The following TBC1D5 variants were observed in gnomAD, a reference collection of about 807,000 sequenced individuals.
TBC1D5 encodes the protein TBC1 domain family member 5, also known as TBC1 domain family, member 5.
In TBC1D5, 75 loss-of-function variants were observed where a neutral mutation model predicts 100.3. The ratio of observed to expected loss-of-function variants is 0.75; its 90% CI spans 0.62 to 0.91. The LOEUF is 0.91. TBC1D5 is among the 40% of genes least tolerant of loss of function. TBC1D5 has a pLI of 0.00. For synonymous variants in TBC1D5, 323 were observed against 325.6 expected (o/e 0.99, Z 0.09); for missense variants, 910 against 942.4 (o/e 0.97, Z 0.45).
intron 1 of TBC1D5, among the ~76,000 whole-genome samples, chr3:17,724,072 C>A (rs1418683425): frequency 1.3e-5 from 2 of 148,958 alleles, no homozygotes; most frequent in African/African-American, 5.0e-5. Context: ...TCCCGATTGG[C>A]AACTTTTTTT....
At chr3:17,314,984 T>G (rs1309691694) in intron 13 of TBC1D5, among the ~76,000 whole-genome samples, 4 of 152,184 alleles carry the variant, frequency 2.6e-5, no homozygotes, top group African/African-American at 9.7e-5. Context: ...TTTTTTAAGG[T>G]GGGGTCAATA....
At chr3:17,266,190 G>A (rs1180308101) in intron 15 of TBC1D5, among the ~76,000 whole-genome samples, 1 of 152,090 alleles carries the variant, frequency 6.6e-6, no homozygotes, top group African/African-American at 2.4e-5. Flanking sequence ...GTTCACAAAG[G>A]TCTCACCATT....
At chr3:17,693,817 C>T (rs2071559120) in intron 1 of TBC1D5, among the ~76,000 whole-genome samples, 1 of 152,216 alleles carries the variant, frequency 6.6e-6, no homozygotes, top group South Asian at 2.1e-4. Context: ...AACTGGGAGA[C>T]ACCTACCAAT....
chr3:17,683,145 CAT>C (rs1560457228), intron 1 of TBC1D5, among the ~76,000 whole-genome samples: 1 of 151,502 alleles, frequency 6.6e-6, no homozygotes, highest in Non-Finnish European at 1.5e-5. Flanking sequence ...TTTTTATGCA[CAT>C]GTTAAAATGC....
intron 1 of TBC1D5, among the ~76,000 whole-genome samples, chr3:17,641,484 A>C (rs2064498283): frequency 1.3e-5 from 2 of 152,266 alleles, no homozygotes; most frequent in Middle Eastern, 3.4e-3. Context: ...CCTAACTCAT[A>C]AGGTATTGGG....
At chr3:17,578,394 AG>A (rs1486931708) in intron 2 of TBC1D5, among the ~76,000 whole-genome samples, 3 of 152,032 alleles carry the variant, frequency 2.0e-5, no homozygotes, top group Non-Finnish European at 4.4e-5. Flanking sequence ...CAAAAAATAC[AG>A]GTTTAGATTT....
intron 8 of TBC1D5, among the ~76,000 whole-genome samples, chr3:17,392,370 T>A (rs544370533): frequency 2.1e-4 from 32 of 151,646 alleles, no homozygotes; most frequent in Middle Eastern, 3.4e-3. Context: ...ACCCTTTTTT[T>A]AAAAAAAAAT....
At chr3:17,678,760 T>C (rs1009275544) in intron 1 of TBC1D5, among the ~76,000 whole-genome samples, 1 of 149,812 alleles carries the variant, frequency 6.7e-6, no homozygotes, top group Non-Finnish European at 1.5e-5. Flanking sequence ...CCTCTGAAGA[T>C]TCATTTAAAA....
chr3:17,245,034 A>G (rs951918920), intron 16 of TBC1D5, among the ~76,000 whole-genome samples: 2 of 150,226 alleles, frequency 1.3e-5, no homozygotes, highest in Non-Finnish European at 3.0e-5. Flanking sequence ...AAAAAAAAAA[A>G]AAAAAAAAAA....
intron 1 of TBC1D5, among the ~76,000 whole-genome samples, chr3:17,732,004 C>T (rs193279459): frequency 6.6e-6 from 1 of 152,068 alleles, no homozygotes; most frequent in African/African-American, 2.4e-5. Flanking sequence ...GGGAGGAAAT[C>T]AGGTTGGAGG....
At chr3:17,217,783 C>T (rs1181525940) in intron 17 of TBC1D5, among the ~76,000 whole-genome samples, 1 of 151,996 alleles carries the variant, frequency 6.6e-6, no homozygotes, top group Admixed American at 6.6e-5. Context: ...TCAAACATGA[C>T]TTGCAAAAAA....
chr3:17,212,062 A>C (rs970899165), intron 18 of TBC1D5, among the ~76,000 whole-genome samples: 3 of 152,314 alleles, frequency 2.0e-5, no homozygotes, highest in East Asian at 3.9e-4. Context: ...TTAAATAATT[A>C]TCTCTCAAAG....
intron 17 of TBC1D5, among the ~76,000 whole-genome samples, chr3:17,216,666 C>G (rs2073672046): frequency 6.6e-6 from 1 of 152,072 alleles, no homozygotes; most frequent in African/African-American, 2.4e-5. Flanking sequence ...TTCTCTCCCT[C>G]CATGTTTCCC....
intron 14 of TBC1D5, among the ~76,000 whole-genome samples, chr3:17,300,167 A>T (rs940813794): frequency 3.3e-5 from 5 of 152,226 alleles, no homozygotes; most frequent in Non-Finnish European, 7.3e-5. Context: ...AACAGGGTAC[A>T]TTAATATAAA....
intron 13 of TBC1D5, among the ~76,000 whole-genome samples, chr3:17,342,893 C>T (rs1240096910): frequency 3.3e-5 from 5 of 152,046 alleles, no homozygotes; most frequent in African/African-American, 7.3e-5. Flanking sequence ...TATACTATTA[C>T]CTATTAAATT....
At chr3:17,214,297 A>G (rs143718861) in exon 18 of TBC1D5, 1 of 1,613,438 alleles carries the variant, frequency 6.2e-7, no homozygotes, top group Non-Finnish European at 8.5e-7. Context: ...ATGAAGGTGG[A>G]GAGCCAGTGA....
chr3:17,447,436 A>C (rs1237781276), intron 3 of TBC1D5, among the ~76,000 whole-genome samples: 1 of 152,240 alleles, frequency 6.6e-6, no homozygotes, highest in Non-Finnish European at 1.5e-5. Flanking sequence ...AAGATACAAG[A>C]GGATGGGATC....
chr3:17,438,296 G>A (rs2094573862), intron 3 of TBC1D5, among the ~76,000 whole-genome samples: 1 of 152,072 alleles, frequency 6.6e-6, no homozygotes, highest in Non-Finnish European at 1.5e-5. Context: ...TTTAAACTTG[G>A]AGAAATAGTA....
intron 2 of TBC1D5, among the ~76,000 whole-genome samples, chr3:17,520,571 A>G (rs900931561): frequency 1.3e-5 from 2 of 152,174 alleles, no homozygotes; most frequent in African/African-American, 4.8e-5. Flanking sequence ...TTATCCATCT[A>G]CCATGGGAAC....
Sources: allele counts gnomAD v4.1 joint callset (sites outside exome capture counted in the v4.1 genomes callset), GRCh38; gene constraint gnomAD v4.1.1; transcripts MANE v1.5; gene names NCBI Gene and HGNC (gene_info 2026-07-23, HGNC 2026-07-21).